Variants in TEX36 observed in about 807,000 individuals in gnomAD.
TEX36 encodes testis-expressed protein 36.
In TEX36, 12 loss-of-function variants were observed where a neutral mutation model predicts 13.6. That is an observed-to-expected ratio of 0.88 (90% CI 0.56 to 1.43). The LOEUF (loss-of-function observed/expected upper bound fraction) is 1.43, where lower values mean the gene tolerates loss of function less well. TEX36 is among the 40% of genes most tolerant of loss of function. The pLI is 0.00. For synonymous variants in TEX36, 93 were observed against 83.0 expected, an observed-to-expected ratio of 1.12 and a Z score of -0.65; for missense variants, 224 against 228.3, an observed-to-expected ratio of 0.98 and a Z score of 0.12.
rs1846468108 is a variant in TEX36, at chr10:125,624,866, T to C, written c.265-3221A>G. Among the ~76,000 whole-genome samples, 4 of 152,124 alleles carry C rather than the reference T, an allele frequency of 2.6e-5. 1 individual carries two copies. The South Asian group carries it at 8.3e-4, about 32-fold the overall frequency. Reference sequence around the variant, plus strand: ...CAGCCACCTAAGAACAAGCCATCTTTTTGCATAAAGAGATAAGGAAGGGGC... The same window carrying C: ...CAGCCACCTAAGAACAAGCCATCTTCTTGCATAAAGAGATAAGGAAGGGGC... On this transcript the variant is annotated intron_variant, in intron 3 of 3. Transcript: ENST00000526819.
At chr10:125,647,926 C>T (rs768578133) in intron 3 of TEX36, among the ~76,000 whole-genome samples, 22 of 152,178 alleles carry the variant, frequency 1.4e-4, no homozygotes, top group African/African-American at 4.6e-4. Flanking sequence ...AGTCTGAGAT[C>T]GAACTGCAAG....
At chr10:125,642,431 C>T (rs956363619) in intron 3 of TEX36, among the ~76,000 whole-genome samples, 1 of 152,144 alleles carries the variant, frequency 6.6e-6, no homozygotes, top group South Asian at 2.1e-4. Context: ...AGAGAAGCTA[C>T]CAAGTTTCCC....
intron 1 of TEX36, chr10:125,667,813 G>A: frequency 2.5e-6 from 3 of 1,215,680 alleles, no homozygotes; most frequent in Non-Finnish European, 3.6e-6. Flanking sequence ...CGGCGTTAAG[G>A]GACTGCAGCC....
chr10:125,616,459 C>G (rs1416085613), intron 3 of TEX36, among the ~76,000 whole-genome samples: 2 of 126,690 alleles, frequency 1.6e-5, no homozygotes, highest in Non-Finnish European at 3.3e-5. Flanking sequence ...GCTTTGAATG[C>G]ATCCCAGAGA....
At chr10:125,582,604 G>C (rs1272093627) in intron 3 of TEX36, among the ~76,000 whole-genome samples, 1 of 152,166 alleles carries the variant, frequency 6.6e-6, no homozygotes, top group African/African-American at 2.4e-5. Context: ...CTGCTTAAAA[G>C]TTTAGTTGAG....
intron 3 of TEX36, among the ~76,000 whole-genome samples, chr10:125,588,261 A>G (rs917514125): frequency 1.3e-5 from 2 of 152,200 alleles, no homozygotes; most frequent in Non-Finnish European, 2.9e-5. Flanking sequence ...CCTTCATCTC[A>G]GTGTGGTATT....
At chr10:125,647,919 C>G (rs1400785350) in intron 3 of TEX36, among the ~76,000 whole-genome samples, 1 of 152,202 alleles carries the variant, frequency 6.6e-6, no homozygotes, top group Non-Finnish European at 1.5e-5. Flanking sequence ...GCACAGCAGT[C>G]TGAGATCGAA....
chr10:125,588,953 T>C (rs1845990871), intron 3 of TEX36, among the ~76,000 whole-genome samples: 2 of 152,130 alleles, frequency 1.3e-5, no homozygotes, highest in African/African-American at 4.8e-5. Context: ...AAGAGATCCC[T>C]CATCACCAAT....
chr10:125,649,925 T>A (rs1846827796), intron 3 of TEX36, among the ~76,000 whole-genome samples: 1 of 152,162 alleles, frequency 6.6e-6, no homozygotes, highest in South Asian at 2.1e-4. Context: ...GATAAAGGGA[T>A]CAATTTATCA....
chr10:125,655,977 A>C lies in TEX36; in HGVS notation c.484T>G (p.Tyr162Asp). ...GGCTTCTTTTTCAAAACCTCTGTAT[A>C]GCTTCTCTCAGGAAGAAATGTAAAA... Reference protein sequence around the residue: ...NAFTFLPERSYTEVLKKKPKV... With the variant: ...NAFTFLPERSDTEVLKKKPKV... The change falls in exon 4 of 4, where the codon TAT (tyrosine) becomes GAT (aspartate). Residue 162 changes from tyrosine (Y) to aspartate (D), a missense_variant. Tyr to Asp is a radical substitution (Grantham distance 160). Coordinates refer to ENST00000368821, the MANE Select transcript of TEX36 (RefSeq NM_001128202.3). 1 of 1,551,736 alleles carries C rather than the reference A, an allele frequency of 6.4e-7. No homozygotes were observed.
intron 3 of TEX36, among the ~76,000 whole-genome samples, chr10:125,631,854 G>A (rs763323755): frequency 3.3e-5 from 5 of 152,164 alleles, no homozygotes; most frequent in Admixed American, 2.6e-4. Context: ...GTACAGAGTG[G>A]TCAGGGGCCA....
intron 3 of TEX36, among the ~76,000 whole-genome samples, chr10:125,645,783 G>A (rs1846760069): frequency 6.6e-6 from 1 of 151,848 alleles, no homozygotes; most frequent in Admixed American, 6.6e-5. Context: ...AACTTTCTAT[G>A]GCCCTATAAT....
At chr10:125,592,828 C>A (rs181605257) in intron 3 of TEX36, among the ~76,000 whole-genome samples, 27 of 152,266 alleles carry the variant, frequency 1.8e-4, no homozygotes, top group Non-Finnish European at 3.5e-4. Flanking sequence ...TACTTAGGCT[C>A]ACCCATTTCT....
intron 3 of TEX36, among the ~76,000 whole-genome samples, chr10:125,622,596 G>A: frequency 6.6e-6 from 1 of 152,216 alleles, no homozygotes; most frequent in East Asian, 1.9e-4. Context: ...GGATTAGGCT[G>A]TAGTTTCCCA....
chr10:125,669,342 T>C (rs1213146127), intron 1 of TEX36, among the ~76,000 whole-genome samples: 1 of 151,896 alleles, frequency 6.6e-6, no homozygotes, highest in Non-Finnish European at 1.5e-5. Context: ...TAGCTGGGCA[T>C]GGTGGCAGGC....
At chr10:125,594,913 T>G (rs1167945708) in intron 3 of TEX36, among the ~76,000 whole-genome samples, 1 of 152,050 alleles carries the variant, frequency 6.6e-6, no homozygotes, top group Non-Finnish European at 1.5e-5. Flanking sequence ...TTTTGTAAAC[T>G]TAAATAGACA....
chr10:125,666,753 CACT>C (rs1330682160), intron 1 of TEX36: 1 of 220,202 alleles, frequency 4.5e-6, no homozygotes, highest in African/African-American at 2.3e-5. Context: ...CACCACACAC[CACT>C]GTCACGAGGG....
intron 3 of TEX36, among the ~76,000 whole-genome samples, chr10:125,587,786 T>TAAAAA (rs56198506): frequency 2.0e-5 from 2 of 101,880 alleles, no homozygotes; most frequent in Admixed American, 1.0e-4. Context: ...GTCTCAAAAT[T>TAAAAA]AAAAAAAAAA....
chr10:125,589,619 G>T (rs997695643), intron 3 of TEX36, among the ~76,000 whole-genome samples: 2 of 152,122 alleles, frequency 1.3e-5, no homozygotes, highest in Admixed American at 6.5e-5. Context: ...TACATTGAAA[G>T]AATCATATAT....
Sources: gnomAD v4.1 joint callset for allele counts (sites outside exome capture counted in the v4.1 genomes callset) on GRCh38, gnomAD v4.1.1 for gene constraint, MANE v1.5 for transcripts, NCBI Gene and HGNC (gene_info 2026-07-23, HGNC 2026-07-21) for gene names.